Variants in DYM observed in about 807,000 individuals in gnomAD.
DYM encodes dyggve-Melchior-Clausen syndrome protein.
In DYM, 78 loss-of-function variants were observed where a neutral mutation model predicts 93.1. That is an observed-to-expected ratio of 0.84 (90% CI 0.70 to 1.01). The LOEUF is 1.01. DYM is among the 50% of genes least tolerant of loss of function. The probability of loss-of-function intolerance (pLI) is 0.00; values close to 1 mark genes in which losing one functional copy is unlikely to be tolerated. For missense variants in DYM, 789 were observed against 845.0 expected (o/e 0.93, Z 0.82); for synonymous variants, 321 against 319.7 (o/e 1.00, Z -0.04).
chr18:49,197,197 C>A (rs1394503837), intron 14 of DYM, among the ~76,000 whole-genome samples: 1 of 152,086 alleles, frequency 6.6e-6, no homozygotes. Context: ...AGAGTTTCAG[C>A]TGGACTATCA....
rs57601123 is a variant in DYM at position 49,258,226 on chromosome 18, C to T, written c.1365+154G>A. Among the ~76,000 whole-genome samples, 3,781 of 152,262 alleles carry T rather than the reference C, an allele frequency of 0.025. 148 individuals are homozygous for T. Among genetic ancestry groups the T allele is most frequent in the African/African-American group, 0.085 (3,533 of 41,542 alleles). Reference sequence around the variant, plus strand: ...CATTAAATATTAAGACCTTATGTTACATTAGGATCATGTAATACAGTGACT... The same window carrying T: ...CATTAAATATTAAGACCTTATGTTATATTAGGATCATGTAATACAGTGACT... On this transcript the variant is annotated intron_variant, in intron 12 of 17. Coordinates refer to ENST00000675505, the MANE Select transcript of DYM (RefSeq NM_001353214.3).
In DYM at chr18:49,114,302, G is replaced by A. The variant is rs143866014; in HGVS notation, c.1911+4442C>T. Reference sequence around the variant, plus strand: ...TCATTTAGAAGGTGTACTTAAAAATGTTTAGGCATTTGTTTATGTGGTTTT... The same window carrying A: ...TCATTTAGAAGGTGTACTTAAAAATATTTAGGCATTTGTTTATGTGGTTTT... On this transcript the variant is annotated intron_variant, in intron 16 of 17. Transcript: ENST00000675505. Among the ~76,000 whole-genome samples, 61 of 152,268 alleles carry A rather than the reference G, an allele frequency of 4.0e-4. 1 individual carries two copies. The East Asian group carries it at 0.011, about 27-fold the overall frequency.
At chr18:49,368,911 T>C (rs2066750431) in intron 5 of DYM, among the ~76,000 whole-genome samples, 1 of 152,240 alleles carries the variant, frequency 6.6e-6, no homozygotes, top group South Asian at 2.1e-4. Flanking sequence ...TTGTATCACT[T>C]TTTTGTTTCG....
intron 16 of DYM, among the ~76,000 whole-genome samples, chr18:49,097,874 G>GCGCTCTCT (rs1555753684): frequency 2.8e-5 from 4 of 141,180 alleles, no homozygotes; most frequent in South Asian, 2.4e-4. Context: ...CTTAATATTA[G>GCGCTCTCT]CTCTCTCTCT....
At chr18:49,071,047 T>A (rs1345983556) in intron 17 of DYM, among the ~76,000 whole-genome samples, 2 of 152,320 alleles carry the variant, frequency 1.3e-5, no homozygotes, top group African/African-American at 4.8e-5. Flanking sequence ...AATCACTGAT[T>A]TTTCATTTTC....
chr18:49,338,224 T>C (rs1253103833), intron 6 of DYM, among the ~76,000 whole-genome samples: 2 of 152,198 alleles, frequency 1.3e-5, no homozygotes, highest in African/African-American at 4.8e-5. Context: ...ACTGCCAGAA[T>C]AACTAAAATG....
chr18:49,134,004 T>C (rs1266032729), intron 15 of DYM, among the ~76,000 whole-genome samples: 5 of 152,200 alleles, frequency 3.3e-5, no homozygotes, highest in Non-Finnish European at 7.3e-5. Context: ...CATGAAGCTA[T>C]TAAAATGAGA....
At chr18:49,109,329 G>C (rs751035070) in intron 16 of DYM, among the ~76,000 whole-genome samples, 34 of 152,122 alleles carry the variant, frequency 2.2e-4, no homozygotes, top group Non-Finnish European at 3.4e-4. Flanking sequence ...TTTGGACTGG[G>C]TATAATTTTA....
intron 7 of DYM, among the ~76,000 whole-genome samples, chr18:49,332,381 C>G (rs867664461): frequency 2.0e-5 from 3 of 152,188 alleles, no homozygotes. Flanking sequence ...AGATTACAGG[C>G]GTGAGCCACC....
rs571885712 is a variant in DYM at position 49,459,921 on chromosome 18, G to C, written c.-54+477C>G. 1.9e-3 allele frequency among the ~76,000 whole-genome samples: 273 copies of C among 147,086 alleles called. 1 individual carries two copies. Among genetic ancestry groups the C allele is most frequent in the African/African-American group, 6.5e-3 (262 of 40,248 alleles). On this transcript the variant is annotated intron_variant, in intron 1 of 17. Transcript: ENST00000675505. ...ATGGGTACGAGCTTCTTTGGGGCGG[G>C]GGGGGCGGTGATTAAAAATGCTCTG...
intron 17 of DYM, among the ~76,000 whole-genome samples, chr18:49,066,993 T>C (rs2076444147): frequency 6.6e-6 from 1 of 152,222 alleles, no homozygotes; most frequent in Admixed American, 6.5e-5. Context: ...TGACATCAGG[T>C]GTTACAACCG....
In DYM at chr18:49,119,004, C is replaced by G. The variant is rs7240784; in HGVS notation, c.1729-78G>C. The G allele has an allele frequency of 0.096, 115,313 of 1,202,860 alleles. 7,809 individuals carry two copies. Among genetic ancestry groups the G allele is most frequent in the African/African-American group, 0.32 (21,267 of 66,032 alleles). 74.5% of individuals were successfully genotyped at this position (1,202,860 alleles called of 1,614,324 possible). On this transcript the variant is annotated intron_variant, in intron 15 of 17. Transcript: ENST00000675505. ...AGAATTAATGAAAATAAGAGTAATT[C>G]CCTCAAAATTATAACAGCATTGGAA...
chr18:49,411,850 C>T (rs1008743658), intron 2 of DYM: 3 of 152,070 alleles, frequency 2.0e-5, no homozygotes, highest in Admixed American at 1.3e-4. Context: ...AAAAAATCAA[C>T]AAGTAACGAT....
intron 13 of DYM, among the ~76,000 whole-genome samples, chr18:49,253,004 A>G (rs1003926172): frequency 6.6e-6 from 1 of 152,188 alleles, no homozygotes; most frequent in Admixed American, 6.5e-5. Context: ...TAGAAGGCAC[A>G]TGGTCATTAA....
At chr18:49,436,104 CT>C (rs2080838614) in intron 1 of DYM, among the ~76,000 whole-genome samples, 1 of 152,158 alleles carries the variant, frequency 6.6e-6, no homozygotes, top group Admixed American at 6.5e-5. Flanking sequence ...CTTCAAACTC[CT>C]GAATTCAAGC....
chr18:49,182,312 T>C (rs561862208), intron 14 of DYM, among the ~76,000 whole-genome samples: 25 of 152,242 alleles, frequency 1.6e-4, no homozygotes, highest in African/African-American at 5.8e-4. Flanking sequence ...CGAGGTGAAG[T>C]TGTTTGATAG....
intron 5 of DYM, among the ~76,000 whole-genome samples, chr18:49,365,342 C>T (rs778041392): frequency 6.6e-5 from 10 of 152,050 alleles, no homozygotes; most frequent in Non-Finnish European, 1.5e-5. Flanking sequence ...AAAAAGGATA[C>T]ACAGCAAGAC....
intron 15 of DYM, among the ~76,000 whole-genome samples, chr18:49,161,337 C>G (rs2087099147): frequency 6.6e-6 from 1 of 152,128 alleles, no homozygotes; most frequent in Non-Finnish European, 1.5e-5. Context: ...TGACCTATTT[C>G]CTCAAATATT....
intron 16 of DYM, among the ~76,000 whole-genome samples, chr18:49,098,986 A>G (rs994533603): frequency 6.6e-6 from 1 of 152,218 alleles, no homozygotes; most frequent in Admixed American, 6.5e-5. Flanking sequence ...TTCTGAGAAA[A>G]GAATTGGTTA....
Sources: allele counts gnomAD v4.1 joint callset (sites outside exome capture counted in the v4.1 genomes callset), GRCh38; gene constraint gnomAD v4.1.1; transcripts MANE v1.5; gene names NCBI Gene and HGNC (gene_info 2026-07-23, HGNC 2026-07-21).